The following IL1RAPL2 variants were observed in gnomAD, a reference collection of about 807,000 sequenced individuals.
The protein encoded by IL1RAPL2 is interleukin 1 receptor accessory protein like 2.
Under a neutral mutation model 44.1 loss-of-function variants are expected in IL1RAPL2, and 3 were observed. The ratio of observed to expected loss-of-function variants is 0.07; its 90% confidence interval spans 0.03 to 0.18. IL1RAPL2 has a LOEUF of 0.18. IL1RAPL2 is among the 10% of genes least tolerant of loss of function. The pLI is 1.00. For synonymous variants in IL1RAPL2, 181 were observed against 178.8 expected (o/e 1.01, Z -0.10); for missense variants, 391 against 496.4 (o/e 0.79, Z 2.02).
chrX:105,455,658 C>T (rs763894650), intron 5 of IL1RAPL2, among the ~76,000 whole-genome samples: 85 of 111,636 alleles, frequency 7.6e-4, no homozygotes, highest in African/African-American at 1.3e-3. Context: ...TCTGCGTTCT[C>T]TGTTCTGTTC....
intron 2 of IL1RAPL2, among the ~76,000 whole-genome samples, chrX:105,003,343 C>G (rs112505393): frequency 9.0e-6 from 1 of 110,695 alleles, no homozygotes; most frequent in Non-Finnish European, 1.9e-5. Context: ...AATTATCACC[C>G]AAAATACAGA....
chrX:105,515,501 CACTT>C (rs1487873081), intron 6 of IL1RAPL2, among the ~76,000 whole-genome samples: 23 of 109,839 alleles, frequency 2.1e-4, no homozygotes, highest in Admixed American at 1.8e-3. Context: ...CTGACATAGA[CACTT>C]AGACCTTAAA....
At position 104,647,723 on chromosome X, in the gene IL1RAPL2, T is replaced by A. The variant is rs760674119; in HGVS notation, c.-19-11172T>A. ...GCTAGCGACAGGCCAGGAGAGGATG[T>A]GCAGTGTGATGTTGACATTCTGTAA... On this transcript the variant is annotated intron_variant, in intron 1 of 10. Coordinates refer to ENST00000372582, the MANE Select transcript of IL1RAPL2 (RefSeq NM_017416.2). 1.8e-5 allele frequency: 10 copies of A among 542,998 alleles called. No homozygotes were observed. The East Asian group carries it at 3.3e-4, about 18-fold the overall frequency. The allele number at this position is 542,998 out of a possible 1,213,427, so 44.7% of individuals were successfully genotyped here.
chrX:105,501,957 C>T (rs2036398620), intron 6 of IL1RAPL2, among the ~76,000 whole-genome samples: 1 of 111,727 alleles, frequency 9.0e-6, no homozygotes, highest in South Asian at 3.8e-4. Context: ...ACCACATGAC[C>T]AACCTAATTA....
chrX:104,568,642 A>C (rs185886616), intron 1 of IL1RAPL2, among the ~76,000 whole-genome samples: 20 of 111,710 alleles, frequency 1.8e-4, no homozygotes, highest in Non-Finnish European at 2.6e-4. Context: ...AGGGTCTCGG[A>C]TACTTAGGCT....
intron 1 of IL1RAPL2, among the ~76,000 whole-genome samples, chrX:104,567,927 G>C (rs1928071092): frequency 8.9e-6 from 1 of 112,309 alleles, no homozygotes. Flanking sequence ...GTTTCTCCTG[G>C]TCCCTGCAGC....
At chrX:104,639,655 C>T (rs773782091) in intron 1 of IL1RAPL2, among the ~76,000 whole-genome samples, 10 of 110,785 alleles carry the variant, frequency 9.0e-5, no homozygotes, top group South Asian at 3.8e-4. Flanking sequence ...CTTTTGTTCC[C>T]GGGTTTAGGA....
intron 2 of IL1RAPL2, among the ~76,000 whole-genome samples, chrX:105,167,648 T>G: frequency 2.1e-5 from 1 of 48,472 alleles, no homozygotes; most frequent in African/African-American, 9.1e-5. Flanking sequence ...CATACCCACA[T>G]CCATGTGGCT....
At chrX:104,912,098 A>G (rs1268653515) in intron 2 of IL1RAPL2, among the ~76,000 whole-genome samples, 2 of 109,871 alleles carry the variant, frequency 1.8e-5, no homozygotes, top group African/African-American at 6.6e-5. Flanking sequence ...TTAGAAATGC[A>G]TTGTCCTTCT....
chrX:104,629,388 G>A (rs1929587789), intron 1 of IL1RAPL2, among the ~76,000 whole-genome samples: 1 of 111,263 alleles, frequency 9.0e-6, no homozygotes, highest in Non-Finnish European at 1.9e-5. Flanking sequence ...TTCTTTCTTT[G>A]TGAGGTTGAA....
intron 2 of IL1RAPL2, among the ~76,000 whole-genome samples, chrX:104,937,381 C>T (rs974943246): frequency 6.2e-5 from 7 of 112,244 alleles, no homozygotes; most frequent in South Asian, 3.7e-4. Flanking sequence ...ATATCTTCCA[C>T]GCTGTGACCT....
intron 2 of IL1RAPL2, among the ~76,000 whole-genome samples, chrX:104,992,757 G>T (rs935742496): frequency 9.0e-6 from 1 of 111,025 alleles, no homozygotes; most frequent in African/African-American, 3.3e-5. Flanking sequence ...AATGAAAAAG[G>T]CCACAAAATC....
chrX:104,711,202 C>T (rs185406247), intron 2 of IL1RAPL2, among the ~76,000 whole-genome samples: 1 of 111,467 alleles, frequency 9.0e-6, no homozygotes, highest in Non-Finnish European at 1.9e-5. Context: ...TAGGCTGTAC[C>T]ATATGACCTA....
chrX:105,457,033 T>C (rs866989090), intron 5 of IL1RAPL2, among the ~76,000 whole-genome samples: 10 of 85,327 alleles, frequency 1.2e-4, no homozygotes, highest in South Asian at 6.6e-4. Context: ...TCTAAAGTTA[T>C]ACACACACAC....
At chrX:105,431,213 C>T (rs1267325866) in intron 5 of IL1RAPL2, among the ~76,000 whole-genome samples, 2 of 112,007 alleles carry the variant, frequency 1.8e-5, no homozygotes, top group Non-Finnish European at 3.8e-5. Context: ...AAGGATTTGA[C>T]CTGAAACTCA....
At chrX:104,604,936 A>G (rs1928974179) in intron 1 of IL1RAPL2, among the ~76,000 whole-genome samples, 1 of 111,375 alleles carries the variant, frequency 9.0e-6, no homozygotes, top group Admixed American at 9.6e-5. Flanking sequence ...AAGGATATAC[A>G]GGACTTGAAC....
chrX:104,591,796 T>A (rs1184466127), intron 1 of IL1RAPL2, among the ~76,000 whole-genome samples: 1 of 110,872 alleles, frequency 9.0e-6, no homozygotes, highest in Non-Finnish European at 1.9e-5. Context: ...TTCTTTATGA[T>A]AATATCAAAA....
At chrX:105,508,423 G>A (rs781033014) in intron 6 of IL1RAPL2, among the ~76,000 whole-genome samples, 1 of 111,075 alleles carries the variant, frequency 9.0e-6, no homozygotes, top group Non-Finnish European at 1.9e-5. Flanking sequence ...AAATCACTTA[G>A]CCTTAATCAT....
chrX:104,754,757 G>C (rs150796973), intron 2 of IL1RAPL2, among the ~76,000 whole-genome samples: 1 of 112,130 alleles, frequency 8.9e-6, no homozygotes, highest in African/African-American at 3.2e-5. Flanking sequence ...TAAAATACTC[G>C]TGTGCAATGG....
Sources: allele counts gnomAD v4.1 joint callset (sites outside exome capture counted in the v4.1 genomes callset), GRCh38; gene constraint gnomAD v4.1.1; transcripts MANE v1.5; gene names NCBI Gene and HGNC (gene_info 2026-07-23, HGNC 2026-07-21).